The following CEP170 variants were observed in gnomAD, a reference collection of about 807,000 sequenced individuals.
CEP170 encodes the protein centrosomal protein of 170 kDa.
A neutral mutation model predicts 151.9 loss-of-function variants in CEP170; 21 were observed. The observed-to-expected ratio is 0.14, with a 90% CI of 0.10 to 0.20. The LOEUF is 0.20. CEP170 is among the 10% of genes least tolerant of loss of function. The probability of loss-of-function intolerance (pLI) is 1.00; values close to 1 mark genes in which losing one functional copy is unlikely to be tolerated. For missense variants in CEP170, 964 were observed against 1,892.9 expected, an observed-to-expected ratio of 0.51 and a Z score of 9.11; for synonymous variants, 356 against 648.8, an observed-to-expected ratio of 0.55 and a Z score of 6.86.
chr1:243,156,477 A>T, intron 13 of CEP170, 22 bp from the exon 14 acceptor site: 1 of 1,521,010 alleles, frequency 6.6e-7, no homozygotes, highest in Non-Finnish European at 8.8e-7. Context: ...TAATTATTAA[A>T]AAAAGAATTA....
intron 10 of CEP170, among the ~76,000 whole-genome samples, chr1:243,182,522 T>C (rs1236853981): frequency 2.0e-5 from 3 of 152,080 alleles, no homozygotes; most frequent in Non-Finnish European, 4.4e-5. Context: ...GTTCAATCCA[T>C]ACTTCACACT....
chr1:243,179,284 C>A (rs1023015848), intron 10 of CEP170, among the ~76,000 whole-genome samples: 1 of 152,108 alleles, frequency 6.6e-6, no homozygotes, highest in Non-Finnish European at 1.5e-5. Flanking sequence ...TCATGTATCC[C>A]CTCTTACAGT....
At chr1:243,146,026 A>AG (rs2056441829) in intron 14 of CEP170, among the ~76,000 whole-genome samples, 1 of 152,212 alleles carries the variant, frequency 6.6e-6, no homozygotes, top group African/African-American at 2.4e-5. Context: ...AGAAAATATA[A>AG]GGAAAAAAAA....
At chr1:243,189,556 CAAAAA>C (rs55684224) in intron 8 of CEP170, among the ~76,000 whole-genome samples, 1 of 65,816 alleles carries the variant, frequency 1.5e-5, no homozygotes. Context: ...ACTCTGTCTC[CAAAAA>C]AAAAAAAAAA....
rs1309798831 is a variant in CEP170 at position 243,191,312 on chromosome 1, T to C, written c.814A>G (p.Ile272Val). The change falls in exon 8 of 20, where the codon ATA becomes GTA. Residue 272 changes from isoleucine to valine, a missense_variant. Coordinates refer to ENST00000366542, the MANE Select transcript of CEP170 (RefSeq NM_014812.3). ...AATGAAGCATGCCCTGCACCTGTTATATGGGAACTTGGCGTGTCTTTTGTT... is the reference window on the plus strand; with the variant it reads ...AATGAAGCATGCCCTGCACCTGTTACATGGGAACTTGGCGTGTCTTTTGTT... ...IPTKDTPSSH[I>V]TGAGHASFTI... The C allele has an allele frequency of 8.7e-6, 14 of 1,613,262 alleles. No homozygotes were observed. The highest frequency in any genetic ancestry group is 1.3e-5 in the African/African-American group (1 of 74,814).
At chr1:243,131,025 C>T (rs1050510647) in intron 17 of CEP170, among the ~76,000 whole-genome samples, 2 of 152,058 alleles carry the variant, frequency 1.3e-5, no homozygotes, top group African/African-American at 4.8e-5. Flanking sequence ...TCTGTTTAGC[C>T]ACACAGTGCT....
intron 2 of CEP170, among the ~76,000 whole-genome samples, chr1:243,222,660 A>G (rs2062920100): frequency 6.6e-6 from 1 of 152,248 alleles, no homozygotes; most frequent in South Asian, 2.1e-4. Flanking sequence ...GGGAACAGAC[A>G]TGACTTCCAA....
rs1225601276 is a variant in CEP170 at position 243,185,150 on chromosome 1, C to T, written c.1566+629G>A. Among the ~76,000 whole-genome samples the T allele has an allele frequency of 3.9e-5, 6 of 152,160 alleles. No homozygotes were observed. Among genetic ancestry groups the T allele is most frequent in the East Asian group, 3.8e-4 (2 of 5,198 alleles). On this transcript the variant is annotated intron_variant, in intron 10 of 19. Transcript: ENST00000366542. This position sits in a 1 kb window ranked among gnomAD's most constrained non-coding sequence, Gnocchi z 4.9. Reference sequence around the variant, plus strand: ...TAAACCATGCAACAATCCTTACACACGCTAACCAATAATATCAAAGAATAC... The same window carrying T: ...TAAACCATGCAACAATCCTTACACATGCTAACCAATAATATCAAAGAATAC...
chr1:243,190,344 T>C (rs994805987), intron 8 of CEP170, among the ~76,000 whole-genome samples: 1 of 152,218 alleles, frequency 6.6e-6, no homozygotes, highest in Non-Finnish European at 1.5e-5. Context: ...GATCAGCTGA[T>C]ACATCAGTGT....
At chr1:243,241,212 C>T (rs2064805560) in intron 1 of CEP170, among the ~76,000 whole-genome samples, 1 of 152,200 alleles carries the variant, frequency 6.6e-6, no homozygotes, top group Non-Finnish European at 1.5e-5. Context: ...TATTTTGAAT[C>T]ACAGATTCGG....
At chr1:243,233,939 CA>C (rs1055946946) in intron 1 of CEP170, among the ~76,000 whole-genome samples, 5 of 151,650 alleles carry the variant, frequency 3.3e-5, no homozygotes, top group African/African-American at 1.2e-4. Flanking sequence ...CCATATCACC[CA>C]TAAAAAGAAA....
chr1:243,173,120 G>T (rs2058978456), intron 10 of CEP170, among the ~76,000 whole-genome samples: 1 of 151,844 alleles, frequency 6.6e-6, no homozygotes, highest in South Asian at 2.1e-4. Context: ...GAGTACAGTG[G>T]CGTGATCTCG....
chr1:243,253,138 T>C (rs1413500266), intron 1 of CEP170: 1 of 152,228 alleles, frequency 6.6e-6, no homozygotes, highest in East Asian at 1.9e-4. Context: ...GGGAAAACAC[T>C]GCAACACTTC....
chr1:243,127,231 G>C (rs72757652), intron 19 of CEP170, among the ~76,000 whole-genome samples: 5,966 of 152,190 alleles, frequency 0.039, 195 homozygotes, highest in Non-Finnish European at 0.057. Context: ...GAGTGCTAGG[G>C]TTATCAGCTG....
In CEP170 at chr1:243,156,412, G is replaced by A. The variant is rs2057555033; in HGVS notation, c.3720C>T (p.Thr1240=). 6.4e-7 allele frequency: 1 copy of A among 1,551,164 alleles called. No individual in the cohort carries two copies. The highest frequency in any genetic ancestry group is 1.4e-5 in the African/African-American group (1 of 72,524). Residue 1240 remains threonine, a synonymous_variant, in exon 14 of 20, where the codon ACC becomes ACT. Coordinates refer to ENST00000366542, the MANE Select transcript of CEP170 (RefSeq NM_014812.3). ...WRRFPTDYAS[T]SEDEFGSNRN... is the part of the protein sequence containing the mutation. Reference sequence around the variant, plus strand: ...GGTTTGATCCAAATTCATCTTCTGAGGTGGAAGCATAATCAGTAGGAAAGC... The same window carrying A: ...GGTTTGATCCAAATTCATCTTCTGAAGTGGAAGCATAATCAGTAGGAAAGC...
intron 8 of CEP170, among the ~76,000 whole-genome samples, chr1:243,189,571 A>T (rs1403497203): frequency 6.6e-6 from 1 of 151,930 alleles, no homozygotes; most frequent in African/African-American, 2.4e-5. Context: ...AAAAAAAAAA[A>T]AAATAGTAGT....
At chr1:243,146,767 C>G (rs2056543093) in intron 14 of CEP170, among the ~76,000 whole-genome samples, 1 of 152,034 alleles carries the variant, frequency 6.6e-6, no homozygotes, top group Non-Finnish European at 1.5e-5. Flanking sequence ...GTAAGAGACC[C>G]TATACTAGCA....
At chr1:243,245,825 A>C (rs1312906521) in intron 1 of CEP170, among the ~76,000 whole-genome samples, 3 of 152,168 alleles carry the variant, frequency 2.0e-5, no homozygotes, top group Admixed American at 1.3e-4. Context: ...CCATGCCTAC[A>C]GTCCCAGCTA....
At chr1:243,222,719 T>C (rs2062926857) in intron 2 of CEP170, among the ~76,000 whole-genome samples, 1 of 152,186 alleles carries the variant, frequency 6.6e-6, no homozygotes, top group Admixed American at 6.5e-5. Context: ...CCCATCTTCA[T>C]AATAAGAAAA....
Sources: gnomAD v4.1 joint callset for allele counts (sites outside exome capture counted in the v4.1 genomes callset) on GRCh38, gnomAD v4.1.1 for gene constraint, Gnocchi (gnomAD v3.1) non-coding constraint, MANE v1.5 for transcripts, NCBI Gene and HGNC (gene_info 2026-07-23, HGNC 2026-07-21) for gene names.